SYT17: variants seen among roughly 807,000 people sequenced by gnomAD.
SYT17 encodes synaptotagmin 17, also known as synaptotagmin-17.
In SYT17, 22 loss-of-function variants were observed where a neutral mutation model predicts 46.7. The ratio of observed to expected loss-of-function variants is 0.47; its 90% CI spans 0.34 to 0.67. SYT17 has a LOEUF of 0.67. Among genes scored for constraint, SYT17 ranks in the 30% least tolerant of loss-of-function variants. SYT17 has a pLI of 0.01. For synonymous variants in SYT17, 251 were observed against 248.4 expected (o/e 1.01, Z -0.10); for missense variants, 519 against 612.8 (o/e 0.85, Z 1.62).
chr16:19,186,289 C>A (rs1220009739), intron 5 of SYT17, among the ~76,000 whole-genome samples: 1 of 150,920 alleles, frequency 6.6e-6, no homozygotes, highest in Admixed American at 6.6e-5. Context: ...CCAGCCTGGG[C>A]AACATAGTGA....
chr16:19,197,924 C>T (rs2142717645), intron 5 of SYT17, among the ~76,000 whole-genome samples: 1 of 152,324 alleles, frequency 6.6e-6, no homozygotes, highest in East Asian at 1.9e-4. Flanking sequence ...CTTTACCCCA[C>T]AAGGGAGGCG....
intron 7 of SYT17, among the ~76,000 whole-genome samples, chr16:19,256,364 C>T (rs966688406): frequency 4.6e-5 from 7 of 150,900 alleles, no homozygotes; most frequent in Non-Finnish European, 7.4e-5. Context: ...AGGATTTTCA[C>T]GGGACTTTCC....
chr16:19,216,218 C>T (rs1192963949), intron 5 of SYT17, among the ~76,000 whole-genome samples: 1 of 152,040 alleles, frequency 6.6e-6, no homozygotes, highest in Non-Finnish European at 1.5e-5. Context: ...CCCTTCCCTG[C>T]AATATTTGCT....
intron 3 of SYT17, among the ~76,000 whole-genome samples, chr16:19,174,946 C>G (rs1257601868): frequency 6.6e-6 from 1 of 151,934 alleles, no homozygotes; most frequent in African/African-American, 2.4e-5. Flanking sequence ...AGTGAGACCC[C>G]CCCCATGCCC....
intron 5 of SYT17, among the ~76,000 whole-genome samples, chr16:19,216,865 A>G (rs1966116082): frequency 6.6e-6 from 1 of 152,238 alleles, no homozygotes; most frequent in Non-Finnish European, 1.5e-5. Flanking sequence ...TCTTTATAGT[A>G]GAATGATTTA....
At chr16:19,190,221 A>G (rs1964957696) in intron 5 of SYT17, among the ~76,000 whole-genome samples, 1 of 152,166 alleles carries the variant, frequency 6.6e-6, no homozygotes. Flanking sequence ...AATACAAAAA[A>G]TTAGTGAGGT....
intron 3 of SYT17, 93 bp from the exon 4 acceptor site, chr16:19,180,298 G>T: frequency 7.3e-7 from 1 of 1,378,550 alleles, no homozygotes; most frequent in Non-Finnish European, 1.0e-6. Flanking sequence ...GAGTCTGAGA[G>T]CGGTTTCATC....
intron 7 of SYT17, among the ~76,000 whole-genome samples, chr16:19,231,786 C>T (rs1010795292): frequency 2.1e-4 from 32 of 152,192 alleles, no homozygotes; most frequent in Admixed American, 6.5e-4. Flanking sequence ...CCGTGCTAGA[C>T]GTTATGTATT....
chr16:19,178,536 C>T (rs1964414023), intron 3 of SYT17, among the ~76,000 whole-genome samples: 1 of 152,178 alleles, frequency 6.6e-6, no homozygotes, highest in Non-Finnish European at 1.5e-5. Flanking sequence ...AAGTGATCCA[C>T]CCACCTCAGC....
In SYT17 at chr16:19,267,316, A is replaced by G. The variant is rs1969436535; in HGVS notation, c.*240A>G. The G allele has an allele frequency of 4.9e-6, 2 of 411,476 alleles. No individual in the cohort carries two copies. The highest frequency in any genetic ancestry group is 8.7e-6 in the Non-Finnish European group (2 of 230,750). The allele number at this position is 411,476 out of a possible 1,614,324, so 25.5% of individuals were successfully genotyped here. On this transcript the variant is annotated 3_prime_UTR_variant, in exon 8 of 8. Coordinates refer to ENST00000355377, the MANE Select transcript of SYT17 (RefSeq NM_016524.4). Reference sequence around the variant, plus strand: ...TAGGAACTTTCCGGAAGCCCCATCCATAGATCACAAGCTCAGTGGGCTCTG... The same window carrying G: ...TAGGAACTTTCCGGAAGCCCCATCCGTAGATCACAAGCTCAGTGGGCTCTG...
At chr16:19,228,768 G>T (rs1966582728) in intron 7 of SYT17, among the ~76,000 whole-genome samples, 2 of 152,304 alleles carry the variant, frequency 1.3e-5, no homozygotes, top group East Asian at 3.9e-4. Flanking sequence ...AGATTCATAA[G>T]GTTCTAACCT....
chr16:19,197,437 T>TGTTG (rs1965293696), intron 5 of SYT17, among the ~76,000 whole-genome samples: 1 of 147,276 alleles, frequency 6.8e-6, no homozygotes, highest in Admixed American at 6.8e-5. Flanking sequence ...TTTGTTTGTT[T>TGTTG]GTTTGTTTGT....
At chr16:19,194,907 G>A (rs145796717) in intron 5 of SYT17, among the ~76,000 whole-genome samples, 3 of 152,134 alleles carry the variant, frequency 2.0e-5, no homozygotes, top group Non-Finnish European at 1.5e-5. Flanking sequence ...CAAATAAAAG[G>A]GTTCTAGTCT....
chr16:19,226,594 A>G (rs1052990824), intron 7 of SYT17, among the ~76,000 whole-genome samples: 3 of 152,194 alleles, frequency 2.0e-5, no homozygotes, highest in African/African-American at 7.2e-5. Context: ...CTTCTAATGC[A>G]GTCTGTGATG....
chr16:19,198,659 G>A (rs1348184061), intron 5 of SYT17, among the ~76,000 whole-genome samples: 2 of 152,232 alleles, frequency 1.3e-5, no homozygotes, highest in Non-Finnish European at 2.9e-5. Context: ...TGAGGAGGCT[G>A]TGTTAACTGT....
At chr16:19,251,067 T>G (rs1220638634) in intron 7 of SYT17, among the ~76,000 whole-genome samples, 2 of 152,204 alleles carry the variant, frequency 1.3e-5, no homozygotes, top group Non-Finnish European at 2.9e-5. Context: ...TGTTTCAGAG[T>G]GTCACTATAC....
At chr16:19,232,829 C>G (rs1333602420) in intron 7 of SYT17, among the ~76,000 whole-genome samples, 1 of 139,200 alleles carries the variant, frequency 7.2e-6, no homozygotes, top group Non-Finnish European at 1.6e-5. Flanking sequence ...CAGTCCCTAT[C>G]TCAAAAACAT....
intron 7 of SYT17, among the ~76,000 whole-genome samples, chr16:19,237,173 C>T (rs1966860866): frequency 6.6e-6 from 1 of 152,234 alleles, no homozygotes; most frequent in East Asian, 1.9e-4. Context: ...GCTGAGCTTC[C>T]AACTTAAAGC....
Position 19,168,592 on chromosome 16 carries a change from C to T in SYT17, c.-55C>T, listed in dbSNP as rs1368035707. On this transcript the variant is annotated 5_prime_UTR_variant, in exon 1 of 8. Coordinates refer to ENST00000355377, the MANE Select transcript of SYT17 (RefSeq NM_016524.4). The surrounding 1 kb of genome is among the most constrained non-coding windows in gnomAD (Gnocchi z 6.9). ...CTTCCCCCTCCGCTGTTGGCGAGGGCAAAGTGGCCGTGGCGGCGCCATGCC... is the reference window on the plus strand; with the variant it reads ...CTTCCCCCTCCGCTGTTGGCGAGGGTAAAGTGGCCGTGGCGGCGCCATGCC... 2 of 1,542,656 alleles carry T rather than the reference C, an allele frequency of 1.3e-6. No homozygotes were observed. Among genetic ancestry groups the T allele is most frequent in the Non-Finnish European group, 1.8e-6 (2 of 1,142,666 alleles).
Sources: gnomAD v4.1 joint callset for allele counts (sites outside exome capture counted in the v4.1 genomes callset) on GRCh38, gnomAD v4.1.1 for gene constraint, Gnocchi (gnomAD v3.1) non-coding constraint, MANE v1.5 for transcripts, NCBI Gene and HGNC (gene_info 2026-07-23, HGNC 2026-07-21) for gene names.